MYO16: variants seen among roughly 807,000 people sequenced by gnomAD.
The protein encoded by MYO16 is myosin XVI.
A neutral mutation model predicts 205.3 loss-of-function variants in MYO16; 94 were observed. That is an observed-to-expected ratio of 0.46 (90% CI 0.39 to 0.54). MYO16 has a LOEUF of 0.54. MYO16 is among the 20% of genes least tolerant of loss of function. The pLI, the probability that MYO16 is intolerant of heterozygous loss-of-function variation, is 0.00. For missense variants in MYO16, 2,315 were observed against 2,387.5 expected, an observed-to-expected ratio of 0.97 and a Z score of 0.63; for synonymous variants, 988 against 954.0, an observed-to-expected ratio of 1.04 and a Z score of -0.66.
intron 4 of MYO16, among the ~76,000 whole-genome samples, chr13:108,739,437 T>A (rs1884823637): frequency 6.6e-6 from 1 of 152,232 alleles, no homozygotes; most frequent in African/African-American, 2.4e-5. Context: ...TTGAGAATTC[T>A]TCTCTTTAAG....
Position 109,019,748 on chromosome 13 carries a change from G to A in MYO16, c.2633G>A (p.Ser878Asn), listed in dbSNP as rs1392665535. 3 of 1,614,100 alleles carry A rather than the reference G, an allele frequency of 1.9e-6. No individual in the cohort carries two copies. The highest frequency in any genetic ancestry group is 1.3e-5 in the African/African-American group (1 of 75,020). The part of the protein sequence containing the change: ...SGFLTLLDEE[S>N]QMIWSVESNF... ...TTTCTCACCTTATTGGATGAAGAAA[G>A]TCAAATGATTTGGTCAGTGGAATCA... is the stretch of plus-strand genomic sequence containing the variant. The change falls in exon 23 of 35, where the codon AGT becomes AAT. Residue 878 changes from serine (S) to asparagine (N), a missense_variant. Physicochemically the swap from Ser to Asn is conservative, Grantham distance 46. This residue lies in a region of MYO16 where 1,213 missense variants were observed against 1,274.4 expected (regional missense o/e 0.95). Transcript: ENST00000457511.
intron 4 of MYO16, among the ~76,000 whole-genome samples, chr13:108,775,685 A>G (rs1051618209): frequency 6.6e-6 from 1 of 152,194 alleles, no homozygotes; most frequent in Non-Finnish European, 1.5e-5. Context: ...AGTGGGACCC[A>G]TTACCAGCTA....
At chr13:108,537,294 T>C in the MYO16 span, among the ~76,000 whole-genome samples, 1 of 152,136 alleles carries the variant, frequency 6.6e-6, no homozygotes. Flanking sequence ...GATAATGGCC[T>C]CCAGCTCCAT....
At position 109,015,572 on chromosome 13, in the gene MYO16, G is replaced by A. The variant is rs541695144; in HGVS notation, c.2596-4139G>A. Among the ~76,000 whole-genome samples, 123 of 152,256 alleles carry A rather than the reference G, an allele frequency of 8.1e-4. 2 individuals carry two copies. In the South Asian group the frequency reaches 0.022, roughly 27 times the overall value. On this transcript the variant is annotated intron_variant, in intron 22 of 34. Coordinates refer to ENST00000457511, the MANE Select transcript of MYO16 (RefSeq NM_001198950.3). ...CTCTCTGTACCTCTGGTAGAATTTG[G>A]CTGTGAATCCATCTGGTCCTGGACT...
the MYO16 span, among the ~76,000 whole-genome samples, chr13:108,547,498 G>A: frequency 6.6e-6 from 1 of 152,130 alleles, no homozygotes; most frequent in Non-Finnish European, 1.5e-5. Flanking sequence ...ACAGAGTTGG[G>A]AGAGATGTGT....
the MYO16 span, among the ~76,000 whole-genome samples, chr13:108,563,117 G>A: frequency 8.6e-5 from 13 of 152,022 alleles, no homozygotes; most frequent in African/African-American, 1.7e-4. Flanking sequence ...TGCTTTCTGC[G>A]TTTTGTTATT....
intron 4 of MYO16, among the ~76,000 whole-genome samples, chr13:108,754,630 T>G (rs546975203): frequency 6.6e-6 from 1 of 152,202 alleles, no homozygotes; most frequent in South Asian, 2.1e-4. Flanking sequence ...ATGGCAAAGA[T>G]TCTAGAGTTG....
chr13:108,742,667 T>C (rs1328345932), intron 4 of MYO16, among the ~76,000 whole-genome samples: 1 of 152,238 alleles, frequency 6.6e-6, no homozygotes, highest in Non-Finnish European at 1.5e-5. Flanking sequence ...TGTTACTCAA[T>C]ATTAAATTCA....
chr13:108,980,630 C>T (rs777943122), intron 20 of MYO16, among the ~76,000 whole-genome samples: 9 of 152,110 alleles, frequency 5.9e-5, no homozygotes, highest in Non-Finnish European at 1.3e-4. Flanking sequence ...ATGTAATTTT[C>T]TAATTGAGGA....
intron 1 of MYO16, among the ~76,000 whole-genome samples, chr13:108,633,635 C>T (rs1208261855): frequency 1.3e-5 from 2 of 152,086 alleles, no homozygotes; most frequent in South Asian, 2.1e-4. Context: ...GCAGACACAC[C>T]CAGGAACAAT....
chr13:109,040,385 C>CACACAGAGAGAGAGAGAGAG (rs1394314811), intron 23 of MYO16, among the ~76,000 whole-genome samples: 52 of 113,270 alleles, frequency 4.6e-4, no homozygotes, highest in East Asian at 2.8e-3. Context: ...CACACACACA[C>CACACAGAGAGAGAGAGAGAG]AGAGAGAGAG....
chr13:109,171,005 CA>C (rs1316259976), intron 33 of MYO16, among the ~76,000 whole-genome samples: 1 of 152,176 alleles, frequency 6.6e-6, no homozygotes, highest in Non-Finnish European at 1.5e-5. Flanking sequence ...ATTGGAAATT[CA>C]ATCTTTCAAA....
At chr13:108,752,754 G>A (rs1365370871) in intron 4 of MYO16, among the ~76,000 whole-genome samples, 1 of 144,140 alleles carries the variant, frequency 6.9e-6, no homozygotes, top group Non-Finnish European at 1.5e-5. Context: ...TGATTCTCCT[G>A]CCTCAGCCTC....
chr13:108,558,637 C>A, the MYO16 span, among the ~76,000 whole-genome samples: 2 of 152,160 alleles, frequency 1.3e-5, no homozygotes, highest in African/African-American at 2.4e-5. Context: ...GGATTATAAA[C>A]CCAGGCACAC....
chr13:108,887,525 C>A (rs9521084), intron 13 of MYO16, among the ~76,000 whole-genome samples: 1 of 152,016 alleles, frequency 6.6e-6, no homozygotes, highest in Non-Finnish European at 1.5e-5. Context: ...AATTTTATGT[C>A]AATCCTATAT....
At chr13:108,881,944 A>G (rs190192585) in intron 12 of MYO16, among the ~76,000 whole-genome samples, 2 of 152,256 alleles carry the variant, frequency 1.3e-5, no homozygotes, top group Admixed American at 1.3e-4. Flanking sequence ...AAATACAAAG[A>G]ATGCCACAAA....
chr13:108,985,031 A>G (rs1884579171), intron 20 of MYO16, among the ~76,000 whole-genome samples: 1 of 152,234 alleles, frequency 6.6e-6, no homozygotes. Flanking sequence ...GATTTCCTGC[A>G]TCTTCATATA....
chr13:108,608,005 C>T (rs553833559), intron 1 of MYO16, among the ~76,000 whole-genome samples: 15 of 152,306 alleles, frequency 9.8e-5, no homozygotes, highest in African/African-American at 3.4e-4. Flanking sequence ...TAAAAATAGG[C>T]AGTGTAAACA....
At chr13:108,616,925 T>C (rs1879370265) in intron 1 of MYO16, among the ~76,000 whole-genome samples, 1 of 152,130 alleles carries the variant, frequency 6.6e-6, no homozygotes, top group African/African-American at 2.4e-5. Flanking sequence ...GCTTGAAACC[T>C]GCGAATGGCT....
Sources: gnomAD v4.1 joint callset for allele counts (sites outside exome capture counted in the v4.1 genomes callset) on GRCh38, gnomAD v4.1.1 for gene constraint, gnomAD v4.1.1 regional missense constraint, MANE v1.5 for transcripts, NCBI Gene and HGNC (gene_info 2026-07-23, HGNC 2026-07-21) for gene names.